Variants in TSHZ2 observed in about 807,000 individuals in gnomAD.
TSHZ2 encodes the protein teashirt zinc finger homeobox 2, also known as teashirt homolog 2.
TSHZ2 carries 21 observed loss-of-function variants against 74.4 expected under a neutral mutation model. The observed-to-expected ratio is 0.28, with a 90% CI of 0.20 to 0.41. The LOEUF is 0.41. Ranked by LOEUF, TSHZ2 falls within the 10% of genes least tolerant of loss-of-function variation. TSHZ2 has a pLI of 1.00. For missense variants in TSHZ2, 1,244 were observed against 1,293.5 expected (o/e 0.96, Z 0.59); for synonymous variants, 540 against 515.3 (o/e 1.05, Z -0.65).
intron 1 of TSHZ2, among the ~76,000 whole-genome samples, chr20:53,050,124 T>TATATGTGTATATATATATATATATAC (rs1409158633): frequency 2.1e-4 from 22 of 107,234 alleles, no homozygotes; most frequent in South Asian, 2.9e-4. Flanking sequence ...TATATATATA[T>TATATGTGTATATATATATATATATAC]ACACATATAT....
intron 2 of TSHZ2, among the ~76,000 whole-genome samples, chr20:53,301,548 C>G (rs1002076293): frequency 2.6e-5 from 4 of 152,326 alleles, no homozygotes; most frequent in African/African-American, 9.6e-5. Context: ...TGCCCATCCC[C>G]TAAGCCGAAC....
At chr20:53,263,989 G>A (rs1990657228) in intron 2 of TSHZ2, among the ~76,000 whole-genome samples, 1 of 152,186 alleles carries the variant, frequency 6.6e-6, no homozygotes, top group Non-Finnish European at 1.5e-5. Context: ...GAAAATTCCA[G>A]GCAAATCAGG....
chr20:53,104,089 A>T (rs1321172357), intron 1 of TSHZ2, among the ~76,000 whole-genome samples: 2 of 152,180 alleles, frequency 1.3e-5, no homozygotes, highest in Admixed American at 1.3e-4. Flanking sequence ...GGAAATGGAC[A>T]TCTGAGTTCT....
At position 53,255,318 on chromosome 20, in the gene TSHZ2, C is replaced by T. The variant is rs143642849; in HGVS notation, c.1860C>T (p.His620=). Reference sequence around the variant, plus strand: ...AGGAGTGTGGGAAAGAAAGTCCCCACGAAGAGGCCTCATCTTTCAGCCACA... The same window carrying T: ...AGGAGTGTGGGAAAGAAAGTCCCCATGAAGAGGCCTCATCTTTCAGCCACA... ...AVKECGKESP[H]EEASSFSHSE... is the part of the protein sequence containing the mutation. Residue 620 remains histidine, a synonymous_variant, in exon 2 of 3, where the codon CAC becomes CAT. Transcript: ENST00000371497. The surrounding 1 kb of genome is among the most constrained non-coding windows in gnomAD (Gnocchi z 4.1). The T allele has an allele frequency of 1.8e-5, 29 of 1,613,906 alleles. No homozygotes were observed. The highest frequency in any genetic ancestry group is 3.3e-5 in the Admixed American group (2 of 59,994).
intron 2 of TSHZ2, among the ~76,000 whole-genome samples, chr20:53,442,894 T>C (rs529170328): frequency 6.6e-6 from 1 of 152,346 alleles, no homozygotes; most frequent in African/African-American, 2.4e-5. Flanking sequence ...GTGATTGTTA[T>C]TAAACCGTTT....
intron 1 of TSHZ2, among the ~76,000 whole-genome samples, chr20:53,214,690 C>T (rs962551558): frequency 1.3e-5 from 2 of 152,038 alleles, no homozygotes; most frequent in Admixed American, 1.3e-4. Flanking sequence ...TGCACTCCAA[C>T]CTGGGTGACA....
intron 1 of TSHZ2, among the ~76,000 whole-genome samples, chr20:53,166,307 G>A (rs555893415): frequency 1.8e-3 from 267 of 152,250 alleles, no homozygotes; most frequent in African/African-American, 5.8e-3. Context: ...TAAGTGTGGT[G>A]CACACAGACA....
At chr20:53,185,503 C>A (rs1346114369) in intron 1 of TSHZ2, 2 of 1,381,898 alleles carry the variant, frequency 1.4e-6, no homozygotes, top group East Asian at 5.4e-5. Context: ...CATGGTGAAA[C>A]CTCAGGAGGC....
Position 53,050,187 on chromosome 20 carries a change from GTA to G in TSHZ2, c.40+76866_40+76867del, listed in dbSNP as rs536983015. On this transcript the variant is annotated intron_variant, in intron 1 of 2. Coordinates refer to ENST00000371497, the MANE Select transcript of TSHZ2 (RefSeq NM_173485.6). Reference sequence around the variant, plus strand: ...TATGTACATATATACACATATATATGTATATATATATATGTATGTATATATAT... The same window carrying G: ...TATGTACATATATACACATATATATGTATATATATATGTATGTATATATAT... Among the ~76,000 whole-genome samples, 106 of 128,114 alleles carry G rather than the reference GTA, an allele frequency of 8.3e-4. 1 individual carries two copies. Among genetic ancestry groups the G allele is most frequent in the East Asian group, 5.7e-3 (26 of 4,552 alleles). 84.0% of individuals were successfully genotyped at this position (128,114 alleles called of 152,430 possible).
chr20:52,991,664 GC>G (rs1397875446), intron 1 of TSHZ2, among the ~76,000 whole-genome samples: 1 of 150,824 alleles, frequency 6.6e-6, no homozygotes, highest in African/African-American at 2.4e-5. Flanking sequence ...GAATGTGAAA[GC>G]TTTTCTGATG....
At chr20:53,463,380 GAGGAAGGAAGGAAGGAAGGAAGGA>G (rs3042220) in intron 2 of TSHZ2, among the ~76,000 whole-genome samples, 2 of 68,618 alleles carry the variant, frequency 2.9e-5, no homozygotes, top group Non-Finnish European at 5.4e-5. Context: ...CAGAGAGAGA[GAGGAAGGAAGGAAGGAAGGAAGGA>G]AGGAAGGAAG....
intron 1 of TSHZ2, among the ~76,000 whole-genome samples, chr20:53,195,121 G>A (rs756401995): frequency 1.3e-5 from 2 of 152,122 alleles, no homozygotes; most frequent in Non-Finnish European, 2.9e-5. Context: ...TCCCCTTCTG[G>A]CTGATTCCAG....
intron 1 of TSHZ2, among the ~76,000 whole-genome samples, chr20:52,987,653 G>T (rs1600631676): frequency 6.6e-6 from 1 of 152,086 alleles, no homozygotes; most frequent in East Asian, 1.9e-4. Context: ...AAAAATATAA[G>T]AAGGCTCTCT....
At chr20:53,405,373 G>A (rs912350408) in intron 2 of TSHZ2, among the ~76,000 whole-genome samples, 5 of 152,132 alleles carry the variant, frequency 3.3e-5, no homozygotes, top group African/African-American at 1.2e-4. Context: ...TTAGGATTGT[G>A]TGGGCAGAAC....
intron 1 of TSHZ2, among the ~76,000 whole-genome samples, chr20:53,214,523 G>A (rs1989390321): frequency 6.6e-6 from 1 of 152,128 alleles, no homozygotes; most frequent in East Asian, 1.9e-4. Context: ...GACAAACCTG[G>A]CCAATATTGT....
chr20:53,410,310 C>G (rs911560187), intron 2 of TSHZ2, among the ~76,000 whole-genome samples: 3 of 152,130 alleles, frequency 2.0e-5, no homozygotes, highest in African/African-American at 7.2e-5. Context: ...ACCACCAGCT[C>G]CACCAGCTTC....
intron 2 of TSHZ2, among the ~76,000 whole-genome samples, chr20:53,361,371 TCCTCTG>T (rs1981046381): frequency 6.6e-6 from 1 of 152,204 alleles, no homozygotes; most frequent in South Asian, 2.1e-4. Flanking sequence ...AAATGATAGC[TCCTCTG>T]GAAGAAATTA....
At chr20:53,455,282 G>A (rs1158206313) in intron 2 of TSHZ2, 1 of 152,174 alleles carries the variant, frequency 6.6e-6, no homozygotes, top group Admixed American at 6.6e-5. Flanking sequence ...TTGATGGCTT[G>A]CTTGCTTATT....
At chr20:53,173,664 G>A (rs1369157939) in intron 1 of TSHZ2, among the ~76,000 whole-genome samples, 1 of 150,486 alleles carries the variant, frequency 6.6e-6, no homozygotes, top group Non-Finnish European at 1.5e-5. Context: ...AAGCTTTTAG[G>A]TATATTGTTA....
Sources: gnomAD v4.1 joint callset for allele counts (sites outside exome capture counted in the v4.1 genomes callset) on GRCh38, gnomAD v4.1.1 for gene constraint, Gnocchi (gnomAD v3.1) non-coding constraint, MANE v1.5 for transcripts, NCBI Gene and HGNC (gene_info 2026-07-23, HGNC 2026-07-21) for gene names.